MTCL1: variants seen among roughly 807,000 people sequenced by gnomAD.
MTCL1 encodes the protein microtubule cross-linking factor 1.
A neutral mutation model predicts 141.4 loss-of-function variants in MTCL1; 79 were observed. The observed-to-expected ratio is 0.56, with a 90% CI of 0.47 to 0.67. MTCL1 has a LOEUF of 0.67. Among genes scored for constraint, MTCL1 ranks in the 30% least tolerant of loss-of-function variants. MTCL1 has a pLI of 0.00. For synonymous variants in MTCL1, 914 were observed against 875.8 expected, an observed-to-expected ratio of 1.04 and a Z score of -0.77; for missense variants, 2,177 against 2,113.9, an observed-to-expected ratio of 1.03 and a Z score of -0.59.
At chr18:8,718,606 G>C (rs533795131) in exon 3 of MTCL1, 48 of 1,613,604 alleles carry the variant, frequency 3.0e-5, no homozygotes, top group Non-Finnish European at 3.8e-5. Context: ...AGACGGGTCA[G>C]GTGGATGGTG....
intron 11 of MTCL1, among the ~76,000 whole-genome samples, chr18:8,808,204 G>A (rs1212517436): frequency 1.2e-4 from 18 of 152,164 alleles, no homozygotes; most frequent in Non-Finnish European, 1.5e-5. Flanking sequence ...ATTTGACCTA[G>A]ATGCTCTGTT....
rs1194894734 is a variant in MTCL1, at chr18:8,832,039, CTCCATCTTTTTTACACACA to C, written c.*452_*470del. 3.5e-5 allele frequency: 20 copies of C among 575,416 alleles called. No individual in the cohort carries two copies. The Admixed American group carries it at 5.2e-4, about 15-fold the overall frequency. 35.6% of individuals were successfully genotyped at this position (575,416 alleles called of 1,614,324 possible). A position where few individuals can be genotyped will look rare whatever the true frequency, so the allele number is the denominator to read the frequency against. On this transcript the variant is annotated 3_prime_UTR_variant, in exon 17 of 17. Transcript: ENST00000359865. Reference sequence around the variant, plus strand: ...TCATAGCTCAGAAAACTATTTTTGTCTCCATCTTTTTTACACACAGTATATTAAACGAAAAGGTAAATAA... The same window carrying C: ...TCATAGCTCAGAAAACTATTTTTGTCGTATATTAAACGAAAAGGTAAATAA...
chr18:8,786,173 G>C (rs543740793), intron 7 of MTCL1, 82 bp downstream of exon 6: 1 of 1,419,630 alleles, frequency 7.0e-7, no homozygotes, highest in East Asian at 2.5e-5. Context: ...TTTCTGTCCC[G>C]GACGAGGCCC....
chr18:8,769,020 C>T (rs953179311), intron 4 of MTCL1, among the ~76,000 whole-genome samples: 5 of 152,124 alleles, frequency 3.3e-5, no homozygotes, highest in Non-Finnish European at 4.4e-5. Context: ...GTCTCGAGCT[C>T]CTGACCTCAG....
exon 1 of MTCL1, chr18:8,706,422 C>A (rs1198365533): frequency 1.6e-6 from 2 of 1,227,886 alleles, no homozygotes; most frequent in Admixed American, 8.5e-5. Flanking sequence ...CGCCGAGCCC[C>A]GCAGCCCGAG....
chr18:8,804,910 G>A (rs1295090470), intron 10 of MTCL1, among the ~76,000 whole-genome samples: 2 of 150,712 alleles, frequency 1.3e-5, no homozygotes. Flanking sequence ...AGGACTGCTT[G>A]AGCCCAGGAG....
At chr18:8,786,256 G>A (rs1406625547) in intron 7 of MTCL1, 165 bp downstream of exon 6, 5 of 829,526 alleles carry the variant, frequency 6.0e-6, no homozygotes, top group Non-Finnish European at 6.0e-6. Context: ...GTGGCACTGG[G>A]ACAGGCAGGT....
chr18:8,769,065 G>A (rs2096473472), intron 4 of MTCL1, among the ~76,000 whole-genome samples: 1 of 152,186 alleles, frequency 6.6e-6, no homozygotes. Flanking sequence ...AAAGTGCGGG[G>A]AATACAGGCA....
intron 4 of MTCL1, among the ~76,000 whole-genome samples, chr18:8,750,361 T>C (rs2096364485): frequency 6.6e-6 from 1 of 152,228 alleles, no homozygotes. Flanking sequence ...TGTCATTTTA[T>C]GTCTTTCCCT....
chr18:8,831,294 C>T (rs2077184694), intron 16 of MTCL1: 2 of 1,173,970 alleles, frequency 1.7e-6, no homozygotes, highest in South Asian at 2.2e-5. Context: ...GAGACCGCTG[C>T]CACAGTCACT....
At chr18:8,755,165 G>A (rs557365434) in intron 4 of MTCL1, among the ~76,000 whole-genome samples, 30 of 152,296 alleles carry the variant, frequency 2.0e-4, no homozygotes, top group African/African-American at 7.2e-4. Context: ...TGCATAGGAC[G>A]ACTGTGGCTC....
rs61389758 is a variant in MTCL1 at position 8,750,678 on chromosome 18, T to A, written c.358-27155T>A. Among the ~76,000 whole-genome samples, 1,448 of 152,286 alleles carry A rather than the reference T, an allele frequency of 9.5e-3. 27 individuals carry two copies. Among genetic ancestry groups the A allele is most frequent in the African/African-American group, 0.033 (1,368 of 41,554 alleles). ...TCCAGAGGACACTGCCCTGCAACGGTCTTGAGAACATTTTTCTAGGCATGG... is the reference window on the plus strand; with the variant it reads ...TCCAGAGGACACTGCCCTGCAACGGACTTGAGAACATTTTTCTAGGCATGG... On this transcript the variant is annotated intron_variant, in intron 4 of 16. Transcript: ENST00000359865.
intron 4 of MTCL1, among the ~76,000 whole-genome samples, chr18:8,754,027 T>C (rs1316003690): frequency 6.6e-6 from 1 of 152,212 alleles, no homozygotes; most frequent in East Asian, 1.9e-4. Context: ...CATACAGACT[T>C]ACGTGACAAG....
chr18:8,769,337 T>C (rs1280968607), intron 4 of MTCL1, among the ~76,000 whole-genome samples: 1 of 152,212 alleles, frequency 6.6e-6, no homozygotes, highest in Admixed American at 6.5e-5. Context: ...TTTGGTGCAG[T>C]CATCATTATG....
chr18:8,806,556 C>T (rs558747036), intron 10 of MTCL1, among the ~76,000 whole-genome samples: 178 of 152,288 alleles, frequency 1.2e-3, no homozygotes, highest in Middle Eastern at 6.8e-3. Context: ...CTTGCTCCTG[C>T]TCCTCAGGGC....
chr18:8,825,062 C>T (rs777184801), exon 15 of MTCL1: 23 of 1,612,624 alleles, frequency 1.4e-5, no homozygotes, highest in Admixed American at 3.3e-5. Flanking sequence ...GCCACGTCCT[C>T]ACCGAGCAGT....
chr18:8,797,839 G>A (rs1003524554), intron 9 of MTCL1, among the ~76,000 whole-genome samples: 1 of 152,158 alleles, frequency 6.6e-6, no homozygotes. Context: ...ATAGCTATTA[G>A]CAATACTAAT....
intron 1 of MTCL1, among the ~76,000 whole-genome samples, chr18:8,707,780 C>T (rs2096066085): frequency 2.0e-5 from 3 of 152,252 alleles, no homozygotes; most frequent in African/African-American, 7.2e-5. Context: ...CAATACGGGC[C>T]CAGTTTTTGG....
exon 5 of MTCL1, chr18:8,777,892 G>A: frequency 6.2e-7 from 1 of 1,612,762 alleles, no homozygotes; most frequent in Non-Finnish European, 8.5e-7. Context: ...CCTTTAACCA[G>A]GTAAGCAGAG....
Sources: allele counts gnomAD v4.1 joint callset (sites outside exome capture counted in the v4.1 genomes callset), GRCh38; gene constraint gnomAD v4.1.1; transcripts MANE v1.5; gene names NCBI Gene and HGNC (gene_info 2026-07-23, HGNC 2026-07-21).